SHROOM4: variants seen among roughly 807,000 people sequenced by gnomAD.
SHROOM4 encodes shroom family member 4.
SHROOM4 carries 17 observed loss-of-function variants against 80.3 expected under a neutral mutation model. That is an observed-to-expected ratio of 0.21 (90% CI 0.14 to 0.32). SHROOM4 has a LOEUF of 0.32. Ranked by LOEUF, SHROOM4 falls within the 10% of genes least tolerant of loss-of-function variation. The pLI is 1.00. For synonymous variants in SHROOM4, 400 were observed against 437.5 expected (o/e 0.91, Z 1.07); for missense variants, 993 against 1,140.3 (o/e 0.87, Z 1.86).
intron 1 of SHROOM4, among the ~76,000 whole-genome samples, chrX:50,780,996 G>A (rs1440139665): frequency 9.0e-6 from 1 of 111,605 alleles, no homozygotes; most frequent in African/African-American, 3.3e-5. Flanking sequence ...ACAGCCAAAG[G>A]TGTAAGTCCC....
At chrX:50,737,578 C>T (rs1309236621) in intron 1 of SHROOM4, among the ~76,000 whole-genome samples, 1 of 111,482 alleles carries the variant, frequency 9.0e-6, no homozygotes, top group Non-Finnish European at 1.9e-5. Context: ...ACAAAATGGA[C>T]TTTATGACAA....
At chrX:50,802,559 A>G (rs1446465863) in intron 1 of SHROOM4, among the ~76,000 whole-genome samples, 1 of 112,295 alleles carries the variant, frequency 8.9e-6, no homozygotes, top group African/African-American at 3.2e-5. Flanking sequence ...TCACTAATGT[A>G]TGACAAGTCA....
chrX:50,657,590 T>C lies in SHROOM4; in HGVS notation c.270-19282A>G, dbSNP rs184400882. 3.2e-4 allele frequency among the ~76,000 whole-genome samples: 35 copies of C among 110,770 alleles called. 1 individual carries two copies. The highest frequency in any genetic ancestry group is 1.1e-3 in the African/African-American group (34 of 30,576). On this transcript the variant is annotated intron_variant, in intron 2 of 8. Coordinates refer to ENST00000376020, the MANE Select transcript of SHROOM4 (RefSeq NM_020717.5). ...TGTGTATGTTGAACTATCTTTGCAG[T>C]AAGGAAATAAGGAAATTCAGTGGGG...
chrX:50,750,737 G>A (rs1221723792), intron 1 of SHROOM4, among the ~76,000 whole-genome samples: 1 of 112,081 alleles, frequency 8.9e-6, no homozygotes, highest in Admixed American at 9.5e-5. Flanking sequence ...CTGATTTTAA[G>A]ACCTATATGG....
At chrX:50,805,953 C>T (rs1456918282) in intron 1 of SHROOM4, among the ~76,000 whole-genome samples, 3 of 108,653 alleles carry the variant, frequency 2.8e-5, no homozygotes, top group South Asian at 4.2e-4. Flanking sequence ...CACCCCTCCC[C>T]GCCACCACTG....
At chrX:50,785,173 G>A (rs1396891372) in intron 1 of SHROOM4, among the ~76,000 whole-genome samples, 1 of 111,671 alleles carries the variant, frequency 9.0e-6, no homozygotes, top group African/African-American at 3.3e-5. Flanking sequence ...GACTTAAGAT[G>A]TTTACAATCA....
intron 1 of SHROOM4, among the ~76,000 whole-genome samples, chrX:50,717,344 A>G (rs1479161118): frequency 9.0e-6 from 1 of 111,639 alleles, no homozygotes; most frequent in Non-Finnish European, 1.9e-5. Flanking sequence ...CAGCCTCCCC[A>G]GTAGCTGGGA....
chrX:50,748,840 T>C (rs782276270), intron 1 of SHROOM4, among the ~76,000 whole-genome samples: 62 of 112,523 alleles, frequency 5.5e-4, no homozygotes, highest in Non-Finnish European at 9.6e-4. Context: ...CTGGAATCTG[T>C]ATATTGGACC....
At chrX:50,773,853 T>C (rs1194207550) in intron 1 of SHROOM4, among the ~76,000 whole-genome samples, 5 of 112,325 alleles carry the variant, frequency 4.5e-5, no homozygotes, top group Non-Finnish European at 7.5e-5. Flanking sequence ...TTTTGGCAAA[T>C]GAATTATGTT....
Position 50,695,829 on chromosome X carries a change from G to C in SHROOM4, c.226C>G (p.Leu76Val). 1 of 1,211,681 alleles carries C rather than the reference G, an allele frequency of 8.3e-7. No homozygotes were observed. The highest frequency in any genetic ancestry group is 1.1e-6 in the Non-Finnish European group (1 of 895,286). Residue 76 changes from leucine to valine, a missense_variant, in exon 2 of 9, where the codon CTC becomes GTC. Coordinates refer to ENST00000376020, the MANE Select transcript of SHROOM4 (RefSeq NM_020717.5). ...AGAATCCGGAAGGAGCCTTTGATGA[G>C]AATGAGGGCCTCTTGGCGGGAGCCA... The part of the protein sequence containing the change: ...LYGSRQEALI[L>V]IKGSFRILKL...
chrX:50,774,936 A>G (rs782451467), intron 1 of SHROOM4, among the ~76,000 whole-genome samples: 1 of 112,219 alleles, frequency 8.9e-6, no homozygotes, highest in East Asian at 2.8e-4. Flanking sequence ...GATATTTCTG[A>G]CATTATTTTG....
At chrX:50,728,014 G>A (rs1934279491) in intron 1 of SHROOM4, among the ~76,000 whole-genome samples, 2 of 111,875 alleles carry the variant, frequency 1.8e-5, no homozygotes, top group African/African-American at 3.3e-5. Context: ...AGATCTTGGT[G>A]AGCAATTTCA....
At chrX:50,716,886 C>A (rs1933968259) in intron 1 of SHROOM4, among the ~76,000 whole-genome samples, 1 of 112,703 alleles carries the variant, frequency 8.9e-6, no homozygotes, top group Non-Finnish European at 1.9e-5. Context: ...ATCAACCAAT[C>A]TTAAAGCCTG....
intron 1 of SHROOM4, among the ~76,000 whole-genome samples, chrX:50,800,828 G>A (rs960405026): frequency 2.7e-5 from 3 of 110,159 alleles, no homozygotes; most frequent in East Asian, 2.9e-4. Flanking sequence ...GGGAGGAGGG[G>A]ATGATCAAAG....
intron 2 of SHROOM4, among the ~76,000 whole-genome samples, chrX:50,680,556 G>C (rs782584490): frequency 1.8e-5 from 2 of 111,180 alleles, no homozygotes; most frequent in Non-Finnish European, 3.8e-5. Context: ...ATTTCAGAGA[G>C]AGTTTCAGAC....
At chrX:50,675,809 A>T (rs189964404) in intron 2 of SHROOM4, among the ~76,000 whole-genome samples, 17 of 111,589 alleles carry the variant, frequency 1.5e-4, no homozygotes. Context: ...ACTATTTGCC[A>T]TTCGGTCTTC....
At position 50,596,654 on chromosome X, in the gene SHROOM4, ACATGGCT is replaced by A; in HGVS notation, c.*34_*40del. ...ACAAAGAAGATTGAAAGCACTTCCC[ACATGGCT>A]GGGCAGGGATGCTGTGGCAGAGTGC... On this transcript the variant is annotated 3_prime_UTR_variant, in exon 9 of 9. Coordinates refer to ENST00000376020, the MANE Select transcript of SHROOM4 (RefSeq NM_020717.5). 8.3e-7 allele frequency: 1 copy of A among 1,203,766 alleles called. No individual in the cohort carries two copies. Among genetic ancestry groups the A allele is most frequent in the Non-Finnish European group, 1.1e-6 (1 of 894,196 alleles).
chrX:50,671,492 C>A (rs1932797617), intron 2 of SHROOM4, among the ~76,000 whole-genome samples: 1 of 112,358 alleles, frequency 8.9e-6, no homozygotes, highest in Non-Finnish European at 1.9e-5. Flanking sequence ...GGATAATTTG[C>A]TGCAGCTTCT....
rs782660425 is a variant in SHROOM4, at chrX:50,732,591, G to A, written c.118-36654C>T. Among the ~76,000 whole-genome samples the A allele has an allele frequency of 8.1e-5, 9 of 111,719 alleles. No individual in the cohort carries two copies. The East Asian group carries it at 2.5e-3, about 32-fold the overall frequency. ...CAATTACTAGAATCAAAAATTGAAG[G>A]GAGAATTACTACTGACTTTACAGAA... On this transcript the variant is annotated intron_variant, in intron 1 of 8. Coordinates refer to ENST00000376020, the MANE Select transcript of SHROOM4 (RefSeq NM_020717.5).
Sources: gnomAD v4.1 joint callset for allele counts (sites outside exome capture counted in the v4.1 genomes callset) on GRCh38, gnomAD v4.1.1 for gene constraint, MANE v1.5 for transcripts, NCBI Gene and HGNC (gene_info 2026-07-23, HGNC 2026-07-21) for gene names.